CYP2C19: variants seen among roughly 807,000 people sequenced by gnomAD.
CYP2C19 encodes cytochrome P450 family 2 subfamily C member 19, also known as cytochrome P450 2C19.
A neutral mutation model predicts 40.9 loss-of-function variants in CYP2C19; 59 were observed. That is an observed-to-expected ratio of 1.44 (90% CI 1.17 to 1.79). The LOEUF (loss-of-function observed/expected upper bound fraction) is 1.79, where lower values mean the gene tolerates loss of function less well. Among genes scored for constraint, CYP2C19 ranks in the 40% most tolerant of loss-of-function variants. CYP2C19 has a pLI of 0.00. For synonymous variants in CYP2C19, 253 were observed against 208.7 expected, an observed-to-expected ratio of 1.21 and a Z score of -1.83; for missense variants, 754 against 596.9, an observed-to-expected ratio of 1.26 and a Z score of -2.74.
chr10:94,775,663 A>G (rs2134236885), intron 3 of CYP2C19, 124 bp downstream of exon 3: 2 of 1,551,886 alleles, frequency 1.3e-6, no homozygotes, highest in African/African-American at 2.7e-5. Context: ...GCTCATGTGA[A>G]GCAGGGTTTG....
chr10:94,812,929 G>C (rs914062122), intron 5 of CYP2C19, among the ~76,000 whole-genome samples: 1 of 151,880 alleles, frequency 6.6e-6, no homozygotes, highest in Non-Finnish European at 1.5e-5. Context: ...TGATCCTTTG[G>C]AGGAGAAGAG....
chr10:94,836,095 G>A (rs531167265), intron 6 of CYP2C19, among the ~76,000 whole-genome samples: 1 of 152,344 alleles, frequency 6.6e-6, no homozygotes, highest in South Asian at 2.1e-4. Context: ...AGTTGCACAA[G>A]CACGCAGTTG....
chr10:94,845,185 CTG>C (rs1321132898), intron 7 of CYP2C19, among the ~76,000 whole-genome samples: 4 of 152,184 alleles, frequency 2.6e-5, no homozygotes, highest in Non-Finnish European at 2.9e-5. Context: ...AGTTGGCAAA[CTG>C]TTCCTGTAAT....
intron 5 of CYP2C19, among the ~76,000 whole-genome samples, chr10:94,791,009 G>C (rs1201496790): frequency 6.6e-6 from 1 of 151,984 alleles, no homozygotes; most frequent in Admixed American, 6.5e-5. Flanking sequence ...GACTTTTTTT[G>C]GTTGGTATGC....
intron 1 of CYP2C19, among the ~76,000 whole-genome samples, chr10:94,767,006 G>A (rs574350852): frequency 6.8e-4 from 103 of 152,158 alleles, no homozygotes; most frequent in African/African-American, 2.3e-3. Context: ...GGTTTTTAAG[G>A]TTTCATTGAT....
chr10:94,824,378 G>C (rs1849177927), intron 6 of CYP2C19, among the ~76,000 whole-genome samples: 1 of 152,006 alleles, frequency 6.6e-6, no homozygotes. Flanking sequence ...ATAGAAACAA[G>C]GTCTTTATTT....
chr10:94,787,529 G>A (rs777444949), intron 5 of CYP2C19, among the ~76,000 whole-genome samples: 2 of 151,984 alleles, frequency 1.3e-5, no homozygotes, highest in South Asian at 4.1e-4. Context: ...ATTCATTTTG[G>A]TTCCAATTGC....
In CYP2C19 at chr10:94,850,072, A is replaced by C. The variant is rs749089339; in HGVS notation, c.1291+14A>C. On this transcript the variant is annotated intron_variant, in intron 8 of 8. Transcript: ENST00000371321. ...CTTTCTCAGCAGGTAATATAAATTT[A>C]TTTCCCTTTGTGTTTCAGGGTACAA... 1.5e-5 allele frequency: 25 copies of C among 1,612,974 alleles called. No homozygotes were observed. The highest frequency in any genetic ancestry group is 2.0e-5 in the Non-Finnish European group (24 of 1,179,268).
At chr10:94,824,457 A>C (rs1366612828) in intron 6 of CYP2C19, among the ~76,000 whole-genome samples, 1 of 152,168 alleles carries the variant, frequency 6.6e-6, no homozygotes, top group Non-Finnish European at 1.5e-5. Context: ...AAAGTGTGAG[A>C]ATGAAGAGAA....
intron 8 of CYP2C19, among the ~76,000 whole-genome samples, chr10:94,851,633 G>T (rs144855159): frequency 1.5e-4 from 23 of 152,208 alleles, no homozygotes; most frequent in African/African-American, 5.3e-4. Context: ...AGATTGAGGT[G>T]TCAGCAAGTT....
rs1849710430 is a variant in CYP2C19, at chr10:94,854,972, A to G, written c.*2058A>G. On this transcript the variant is annotated 3_prime_UTR_variant, in exon 9 of 9. Coordinates refer to ENST00000371321, the MANE Select transcript of CYP2C19 (RefSeq NM_000769.4). ...TAATGTAGTGTTAGTAGAGGTGTTG[A>G]CAAACACCCATGGGTGAGATAAATA... Among the ~76,000 whole-genome samples the G allele has an allele frequency of 6.6e-6, 1 of 152,300 alleles. No individual in the cohort carries two copies. Among genetic ancestry groups the G allele is most frequent in the South Asian group, 2.1e-4 (1 of 4,830 alleles).
intron 5 of CYP2C19, among the ~76,000 whole-genome samples, chr10:94,791,603 C>A (rs900056970): frequency 6.6e-6 from 1 of 152,108 alleles, no homozygotes; most frequent in African/African-American, 2.4e-5. Context: ...ATCTTTATTT[C>A]TGACTTCATT....
rs575402917 is a variant in CYP2C19, at chr10:94,849,563, A to G, written c.1150-354A>G. On this transcript the variant is annotated intron_variant, in intron 7 of 8. Transcript: ENST00000371321. ...TGTTACATATGTATACATGTGCCATATTGGTGTGCTGCACCCATTAACTCA... is the reference window on the plus strand; with the variant it reads ...TGTTACATATGTATACATGTGCCATGTTGGTGTGCTGCACCCATTAACTCA... Among the ~76,000 whole-genome samples the G allele has an allele frequency of 3.1e-3, 463 of 151,256 alleles. 1 individual carries two copies. The highest frequency in any genetic ancestry group is 0.01 in the African/African-American group (429 of 41,250).
intron 6 of CYP2C19, among the ~76,000 whole-genome samples, chr10:94,832,097 A>G (rs1849344205): frequency 6.6e-6 from 1 of 152,164 alleles, no homozygotes; most frequent in African/African-American, 2.4e-5. Flanking sequence ...AAGATATATG[A>G]GTCCAGATTC....
chr10:94,775,019 A>G (rs752554667), intron 1 of CYP2C19, 39 bp from the exon 2 acceptor site: 9 of 1,605,416 alleles, frequency 5.6e-6, no homozygotes, highest in African/African-American at 4.0e-5. Context: ...TGGACAAAAC[A>G]GTGACTTCAT....
At chr10:94,810,484 G>A (rs1848903675) in intron 5 of CYP2C19, among the ~76,000 whole-genome samples, 1 of 152,058 alleles carries the variant, frequency 6.6e-6, no homozygotes. Flanking sequence ...TTGTACCTCT[G>A]GTAGAATTCG....
chr10:94,847,412 A>T (rs1041310790), intron 7 of CYP2C19, among the ~76,000 whole-genome samples: 2 of 152,030 alleles, frequency 1.3e-5, no homozygotes, highest in Non-Finnish European at 2.9e-5. Flanking sequence ...TGAACTCATC[A>T]TTTTTTATGG....
intron 6 of CYP2C19, among the ~76,000 whole-genome samples, chr10:94,827,851 C>G (rs1849255803): frequency 6.6e-6 from 1 of 151,974 alleles, no homozygotes; most frequent in African/African-American, 2.4e-5. Flanking sequence ...CCCAGAGATT[C>G]TGGTATGTTG....
intron 3 of CYP2C19, among the ~76,000 whole-genome samples, chr10:94,776,942 A>G (rs1848415071): frequency 6.6e-6 from 1 of 152,168 alleles, no homozygotes; most frequent in Non-Finnish European, 1.5e-5. Flanking sequence ...TAATAAGCAA[A>G]TTCAGCAACG....
Sources: allele counts gnomAD v4.1 joint callset (sites outside exome capture counted in the v4.1 genomes callset), GRCh38; gene constraint gnomAD v4.1.1; transcripts MANE v1.5; gene names NCBI Gene and HGNC (gene_info 2026-07-23, HGNC 2026-07-21).